The following FOXP1 variants were observed in gnomAD, a reference collection of about 807,000 sequenced individuals.
FOXP1 encodes the protein forkhead box P1.
A neutral mutation model predicts 98.2 loss-of-function variants in FOXP1; 15 were observed. The ratio of observed to expected loss-of-function variants is 0.15; its 90% confidence interval spans 0.10 to 0.24. The LOEUF is 0.24. FOXP1 is among the 10% of genes least tolerant of loss of function. FOXP1 has a pLI of 1.00. For missense variants in FOXP1, 633 were observed against 848.5 expected (o/e 0.75, Z 3.15); for synonymous variants, 371 against 314.5 (o/e 1.18, Z -1.90).
chr3:70,977,232 GTTTT>G (rs1223978920), intron 16 of FOXP1, among the ~76,000 whole-genome samples, 190 bp from the exon 17 acceptor site: 1 of 152,074 alleles, frequency 6.6e-6, no homozygotes, highest in East Asian at 1.9e-4. Context: ...TTATCTAATT[GTTTT>G]GAGTTTTTAT....
intron 7 of FOXP1, among the ~76,000 whole-genome samples, chr3:71,066,519 C>G (rs539753045): frequency 6.6e-6 from 1 of 152,114 alleles, no homozygotes. Context: ...AGTCCCCCGA[C>G]TATCAGTAGA....
chr3:71,237,234 A>G (rs1394426277), intron 5 of FOXP1, among the ~76,000 whole-genome samples: 1 of 73,076 alleles, frequency 1.4e-5, no homozygotes, highest in Non-Finnish European at 2.8e-5. Flanking sequence ...TCCATCTGAA[A>G]AAAAAAAAAA....
At chr3:71,262,006 G>A (rs527849329) in intron 5 of FOXP1, among the ~76,000 whole-genome samples, 11 of 151,938 alleles carry the variant, frequency 7.2e-5, no homozygotes, top group Admixed American at 2.6e-4. Context: ...GGTGGCTCAC[G>A]CCTGTAATCC....
chr3:70,993,213 T>G (rs891443331), intron 13 of FOXP1, among the ~76,000 whole-genome samples: 3 of 152,232 alleles, frequency 2.0e-5, no homozygotes, highest in African/African-American at 7.2e-5. Context: ...TTCTTAGAGC[T>G]TACAATTCCT....
chr3:71,194,122 T>C (rs552626909), intron 6 of FOXP1, among the ~76,000 whole-genome samples: 4 of 152,294 alleles, frequency 2.6e-5, no homozygotes, highest in East Asian at 3.9e-4. Context: ...ATTCTAAATA[T>C]GGCATATCTT....
chr3:71,563,277 T>A (rs939248747), intron 2 of FOXP1, among the ~76,000 whole-genome samples: 2 of 152,154 alleles, frequency 1.3e-5, no homozygotes, highest in African/African-American at 4.8e-5. Flanking sequence ...AAGACATAGA[T>A]GGGCATCTTG....
chr3:71,275,357 G>A lies in FOXP1; in HGVS notation c.-12+24463C>T, dbSNP rs75430152. On this transcript the variant is annotated intron_variant, in intron 5 of 20. Coordinates refer to ENST00000649528, the MANE Select transcript of FOXP1 (RefSeq NM_001349338.3). ...ATTGCCCCCACAGATAATGTTACAA[G>A]TTATAACCATGAACACAGGCCTTTT... 9.8e-3 allele frequency among the ~76,000 whole-genome samples: 1,498 copies of A among 152,246 alleles called. 28 individuals are homozygous for A. Among genetic ancestry groups the A allele is most frequent in the African/African-American group, 0.034 (1,415 of 41,532 alleles).
chr3:71,565,578 A>G (rs2046848620), intron 2 of FOXP1, among the ~76,000 whole-genome samples: 1 of 152,228 alleles, frequency 6.6e-6, no homozygotes, highest in African/African-American at 2.4e-5. Flanking sequence ...AGAAAGAAAA[A>G]GCGGCAGCTT....
chr3:71,418,647 C>T (rs2083397436), intron 3 of FOXP1, among the ~76,000 whole-genome samples: 1 of 152,132 alleles, frequency 6.6e-6, no homozygotes, highest in African/African-American at 2.4e-5. Flanking sequence ...TCATGGCCAC[C>T]TCAGATCTAA....
At chr3:71,495,742 T>C (rs1301244461) in intron 2 of FOXP1, among the ~76,000 whole-genome samples, 1 of 152,226 alleles carries the variant, frequency 6.6e-6, no homozygotes, top group Non-Finnish European at 1.5e-5. Flanking sequence ...GGGAACTCTA[T>C]ATTTTCCAGC....
At chr3:71,209,377 T>C (rs2064290036) in intron 5 of FOXP1, among the ~76,000 whole-genome samples, 1 of 152,184 alleles carries the variant, frequency 6.6e-6, no homozygotes, top group Non-Finnish European at 1.5e-5. Context: ...TAATGTTTCA[T>C]CCAGAAGGAA....
At chr3:71,176,410 A>C (rs1173776989) in intron 6 of FOXP1, among the ~76,000 whole-genome samples, 1 of 152,238 alleles carries the variant, frequency 6.6e-6, no homozygotes, top group Non-Finnish European at 1.5e-5. Flanking sequence ...TCTTAGAAGC[A>C]ATACTTCCAT....
At chr3:71,237,367 A>G (rs796664211) in intron 5 of FOXP1, among the ~76,000 whole-genome samples, 2 of 151,302 alleles carry the variant, frequency 1.3e-5, no homozygotes, top group African/African-American at 4.9e-5. Context: ...TTTTTCTACT[A>G]AGTCTTTGGA....
At chr3:70,959,503 T>C in intron 20 of FOXP1, 112 bp from the exon 21 acceptor site, 1 of 1,165,244 alleles carries the variant, frequency 8.6e-7, no homozygotes, top group South Asian at 1.3e-5. Context: ...TAGAACTCTG[T>C]CCAGTATTGT....
Position 70,972,439 on chromosome 3 carries a change from T to C in FOXP1, c.1652+116A>G, listed in dbSNP as rs1045068652. 12 of 1,460,718 alleles carry C rather than the reference T, an allele frequency of 8.2e-6. No homozygotes were observed. In the African/African-American group the frequency reaches 1.4e-4, roughly 17 times the overall value. The allele number at this position is 1,460,718 out of a possible 1,614,324, so 90.5% of individuals were successfully genotyped here. A position where few individuals can be genotyped will look rare whatever the true frequency, so the allele number is the denominator to read the frequency against. ...GAAATGCTTTTTTGCTTCCCTTAAC[T>C]GAGACAACGTGAAACCAGTTCTTTG... On this transcript the variant is annotated intron_variant, in intron 18 of 20. Transcript: ENST00000649528.
At chr3:71,319,332 C>T (rs1007998902) in intron 4 of FOXP1, among the ~76,000 whole-genome samples, 5 of 152,050 alleles carry the variant, frequency 3.3e-5, no homozygotes, top group African/African-American at 1.2e-4. Flanking sequence ...AATATATGAT[C>T]GAGCCTGCTG....
chr3:71,433,690 T>C (rs1454156694), intron 3 of FOXP1, among the ~76,000 whole-genome samples: 2 of 152,188 alleles, frequency 1.3e-5, no homozygotes, highest in Admixed American at 6.5e-5. Context: ...CAGCTTGCAA[T>C]GTATTCTGGA....
chr3:71,435,253 AGGGAGGGAGGGAGGGAGGGAAGAAGGG>A lies in FOXP1; in HGVS notation c.-168+58146_-168+58172del, dbSNP rs2085157368. The stretch of plus-strand genomic sequence containing the variant: ...GAAGGAAGAAGGGAGGAAGGAAGAG[AGGGAGGGAGGGAGGGAGGGAAGAAGGG>A]AGGGAGGGAGGGACGGAGGGAGGGA... On this transcript the variant is annotated intron_variant, in intron 3 of 20. Coordinates refer to ENST00000649528, the MANE Select transcript of FOXP1 (RefSeq NM_001349338.3). Among the ~76,000 whole-genome samples the A allele has an allele frequency of 7.0e-4, 2 of 2,842 alleles. 1 individual carries two copies. The highest frequency in any genetic ancestry group is 2.6e-3 in the Non-Finnish European group (2 of 760). The allele number at this position is 2,842 out of a possible 152,430, so 1.9% of individuals were successfully genotyped here. A position where few individuals can be genotyped will look rare whatever the true frequency, so the allele number is the denominator to read the frequency against.
rs558791504 is a variant in FOXP1 at position 71,105,586 on chromosome 3, C to A, written c.282+6950G>T. Among the ~76,000 whole-genome samples the A allele has an allele frequency of 1.2e-4, 18 of 152,224 alleles. No homozygotes were observed. In the South Asian group the frequency reaches 3.5e-3, roughly 30 times the overall value. ...TGTCAGCAATTTACACATTTTTGAC[C>A]AGTCAAGTATGTTTTTCCCCTGTCC... On this transcript the variant is annotated intron_variant, in intron 7 of 20. Transcript: ENST00000649528.
Sources: allele counts gnomAD v4.1 joint callset (sites outside exome capture counted in the v4.1 genomes callset), GRCh38; gene constraint gnomAD v4.1.1; transcripts MANE v1.5; gene names NCBI Gene and HGNC (gene_info 2026-07-23, HGNC 2026-07-21).